RBMS3: variants seen among roughly 807,000 people sequenced by gnomAD.
RBMS3 encodes RNA binding motif single stranded interacting protein 3.
RBMS3 carries 27 observed loss-of-function variants against 66.8 expected under a neutral mutation model. The ratio of observed to expected loss-of-function variants is 0.40; its 90% CI spans 0.30 to 0.56. RBMS3 has a LOEUF of 0.56. RBMS3 is among the 20% of genes least tolerant of loss of function. The probability of loss-of-function intolerance (pLI) is 0.40; values close to 1 mark genes in which losing one functional copy is unlikely to be tolerated. For synonymous variants in RBMS3, 188 were observed against 183.0 expected (o/e 1.03, Z -0.22); for missense variants, 513 against 549.5 (o/e 0.93, Z 0.66).
At chr3:29,586,870 T>G (rs1303556377) in intron 3 of RBMS3, among the ~76,000 whole-genome samples, 1 of 152,122 alleles carries the variant, frequency 6.6e-6, no homozygotes, top group African/African-American at 2.4e-5. Context: ...ATTGGGTTAC[T>G]GATTCTACAC....
intron 4 of RBMS3, among the ~76,000 whole-genome samples, chr3:29,738,897 G>C (rs1271956099): frequency 3.9e-5 from 6 of 152,184 alleles, no homozygotes; most frequent in Non-Finnish European, 8.8e-5. Flanking sequence ...TTTCAGCCCT[G>C]ACTTTGGCAC....
intron 4 of RBMS3, among the ~76,000 whole-genome samples, chr3:29,597,981 T>G (rs896467339): frequency 6.6e-6 from 1 of 152,142 alleles, no homozygotes; most frequent in African/African-American, 2.4e-5. Context: ...AATTTTACTC[T>G]TTTCTGATTC....
At chr3:29,364,340 A>G (rs2037778142) in intron 1 of RBMS3, among the ~76,000 whole-genome samples, 2 of 152,180 alleles carry the variant, frequency 1.3e-5, no homozygotes, top group South Asian at 2.1e-4. Flanking sequence ...GGGGAGAAGA[A>G]CAAACATCAA....
At chr3:29,875,152 G>A (rs147664429) in intron 7 of RBMS3, among the ~76,000 whole-genome samples, 1 of 152,160 alleles carries the variant, frequency 6.6e-6, no homozygotes, top group African/African-American at 2.4e-5. Context: ...CCTACCAACT[G>A]GGAGATTTCT....
At chr3:29,998,227 C>G (rs1207300032) in intron 14 of RBMS3, among the ~76,000 whole-genome samples, 1 of 152,138 alleles carries the variant, frequency 6.6e-6, no homozygotes, top group African/African-American at 2.4e-5. Context: ...AGGACCTCTT[C>G]AAGGAGAACT....
At chr3:29,750,242 CT>C (rs1412247083) in intron 5 of RBMS3, among the ~76,000 whole-genome samples, 1 of 152,050 alleles carries the variant, frequency 6.6e-6, no homozygotes, top group African/African-American at 2.4e-5. Context: ...TATCAGAAAT[CT>C]TTATTCAAGA....
chr3:29,792,991 C>T (rs891498928), intron 6 of RBMS3, among the ~76,000 whole-genome samples: 5 of 152,106 alleles, frequency 3.3e-5, no homozygotes, highest in African/African-American at 7.2e-5. Context: ...TTAATCCCAG[C>T]GCTTTGGGAG....
intron 1 of RBMS3, among the ~76,000 whole-genome samples, chr3:29,304,072 A>T (rs1453733292): frequency 1.3e-5 from 2 of 152,048 alleles, no homozygotes; most frequent in Non-Finnish European, 1.5e-5. Context: ...CTGTAGGAGT[A>T]CAATTCAAGA....
chr3:29,758,962 TA>T (rs1053842408), intron 5 of RBMS3, among the ~76,000 whole-genome samples: 4 of 152,156 alleles, frequency 2.6e-5, no homozygotes, highest in Non-Finnish European at 5.9e-5. Flanking sequence ...TTAACCATAA[TA>T]AATGACAGGA....
chr3:29,491,645 G>A (rs905950938), intron 3 of RBMS3, among the ~76,000 whole-genome samples: 12 of 152,162 alleles, frequency 7.9e-5, no homozygotes, highest in Non-Finnish European at 1.2e-4. Context: ...GAGGAAAGAC[G>A]GGGCTGTGGA....
At chr3:29,799,139 G>T (rs1432536574) in intron 6 of RBMS3, among the ~76,000 whole-genome samples, 1 of 152,024 alleles carries the variant, frequency 6.6e-6, no homozygotes, top group Non-Finnish European at 1.5e-5. Context: ...ATCCATAAAT[G>T]GAGTTGACCT....
At chr3:29,854,249 C>G (rs1355737171) in intron 6 of RBMS3, among the ~76,000 whole-genome samples, 1 of 152,210 alleles carries the variant, frequency 6.6e-6, no homozygotes, top group Non-Finnish European at 1.5e-5. Flanking sequence ...CAGTGTGCTG[C>G]CATGTTGTGT....
At chr3:29,615,435 G>A (rs1028315808) in intron 4 of RBMS3, among the ~76,000 whole-genome samples, 1 of 151,566 alleles carries the variant, frequency 6.6e-6, no homozygotes, top group Non-Finnish European at 1.5e-5. Context: ...AAAATTTAAT[G>A]AGATTATCTA....
At chr3:29,811,020 A>C (rs780578565) in intron 6 of RBMS3, among the ~76,000 whole-genome samples, 5 of 152,168 alleles carry the variant, frequency 3.3e-5, no homozygotes, top group Non-Finnish European at 7.4e-5. Flanking sequence ...GTGGAGGACT[A>C]CTGTTGTGGC....
At chr3:29,376,177 A>T (rs1022266005) in intron 1 of RBMS3, among the ~76,000 whole-genome samples, 1 of 119,394 alleles carries the variant, frequency 8.4e-6, no homozygotes, top group Admixed American at 1.1e-4. Flanking sequence ...AACAACACAC[A>T]CTGGGTCTTG....
At chr3:29,535,242 T>C (rs1241886159) in intron 3 of RBMS3, among the ~76,000 whole-genome samples, 2 of 152,198 alleles carry the variant, frequency 1.3e-5, no homozygotes, top group East Asian at 3.8e-4. Flanking sequence ...ATTTGTGTGC[T>C]AGAGATGGTA....
intron 4 of RBMS3, among the ~76,000 whole-genome samples, chr3:29,655,202 C>A (rs1201544987): frequency 1.3e-5 from 2 of 152,136 alleles, no homozygotes; most frequent in African/African-American, 4.8e-5. Flanking sequence ...GGTGGAAGAA[C>A]AATGGCTTGT....
At chr3:29,608,102 C>T (rs928973041) in intron 4 of RBMS3, among the ~76,000 whole-genome samples, 14 of 151,682 alleles carry the variant, frequency 9.2e-5, no homozygotes, top group African/African-American at 3.4e-4. Flanking sequence ...TTCAAGAATA[C>T]ATTATATTAT....
chr3:29,691,831 C>A (rs2052021152), intron 4 of RBMS3, among the ~76,000 whole-genome samples: 1 of 152,068 alleles, frequency 6.6e-6, no homozygotes, highest in South Asian at 2.1e-4. Context: ...TGTCACATAA[C>A]AATGCGGATT....
Sources: gnomAD v4.1 joint callset for allele counts (sites outside exome capture counted in the v4.1 genomes callset) on GRCh38, gnomAD v4.1.1 for gene constraint, MANE v1.5 for transcripts, NCBI Gene and HGNC (gene_info 2026-07-23, HGNC 2026-07-21) for gene names.